The following NEMP1 variants were observed in gnomAD, a reference collection of about 807,000 sequenced individuals.
NEMP1 encodes nuclear envelope integral membrane protein 1.
A neutral mutation model predicts 53.7 loss-of-function variants in NEMP1; 29 were observed. The observed-to-expected ratio is 0.54, with a 90% CI of 0.40 to 0.74. The LOEUF is 0.74. Among genes scored for constraint, NEMP1 ranks in the 30% least tolerant of loss-of-function variants. The pLI, the probability that NEMP1 is intolerant of heterozygous loss-of-function variation, is 0.00. For missense variants in NEMP1, 477 were observed against 528.6 expected (o/e 0.90, Z 0.96); for synonymous variants, 193 against 192.9 (o/e 1.00, Z 0.00).
intron 4 of NEMP1, among the ~76,000 whole-genome samples, chr12:57,068,189 T>A (rs1423271707): frequency 6.6e-6 from 1 of 152,176 alleles, no homozygotes; most frequent in Admixed American, 6.5e-5. Context: ...TAATCTTGCA[T>A]TCACTACTCC....
chr12:57,080,013 G>A (rs943330880), upstream of NEMP1, among the ~76,000 whole-genome samples: 1 of 152,168 alleles, frequency 6.6e-6, no homozygotes, highest in Admixed American at 6.6e-5. Context: ...CTTCTGGAAT[G>A]CAGTGGTGTA....
Position 57,059,507 on chromosome 12 carries a change from TAAC to T in NEMP1, c.*369_*371del, listed in dbSNP as rs1433372128. 2.3e-5 allele frequency: 4 copies of T among 175,858 alleles called. No individual in the cohort carries two copies. In the East Asian group the frequency reaches 6.0e-4, roughly 26 times the overall value. The allele number at this position is 175,858 out of a possible 1,614,324, so 10.9% of individuals were successfully genotyped here. ...TATAGTCTAAAAGCATTCCTGCACT[TAAC>T]AACAGTTCTTACTTTGGAGAGCCAG... On this transcript the variant is annotated 3_prime_UTR_variant, in exon 9 of 9. Transcript: ENST00000300128.
chr12:57,063,993 G>T, intron 6 of NEMP1, 78 bp downstream of exon 6: 1 of 840,522 alleles, frequency 1.2e-6, no homozygotes, highest in Non-Finnish European at 1.9e-6. Context: ...CCCATAAGCA[G>T]GCAAAATCTT....
chr12:57,065,776 C>G (rs1053248361), intron 4 of NEMP1, among the ~76,000 whole-genome samples: 7 of 151,898 alleles, frequency 4.6e-5, no homozygotes, highest in Non-Finnish European at 1.0e-4. Context: ...GCTGGGACTA[C>G]AGGCCTGAGC....
chr12:57,075,903 G>A (rs1240906459), intron 1 of NEMP1, among the ~76,000 whole-genome samples: 1 of 151,726 alleles, frequency 6.6e-6, no homozygotes. Context: ...AGGAGTTTGA[G>A]ACCAGCCTGG....
chr12:57,070,763 T>C lies in NEMP1; in HGVS notation c.383A>G (p.Tyr128Cys), dbSNP rs920441338. Residue 128 changes from tyrosine (Y) to cysteine (C), a missense_variant, in exon 3 of 9, where the codon TAT becomes TGT. Transcript: ENST00000300128. ...SFLKEKLNDT[Y>C]VNVGLYSTKT... ...TGTGCTGTATAGACCCACGTTAACA[T>C]AGGTGTCATTCAATTTCTCTTTTAA... 1 of 1,605,976 alleles carries C rather than the reference T, an allele frequency of 6.2e-7. No individual in the cohort carries two copies. The highest frequency in any genetic ancestry group is 8.5e-7 in the Non-Finnish European group (1 of 1,175,588).
chr12:57,061,036 C>G lies in NEMP1; in HGVS notation c.981-91G>C, dbSNP rs892113149. The G allele has an allele frequency of 1.2e-5, 16 of 1,326,704 alleles. No homozygotes were observed. The African/African-American group carries it at 1.8e-4, about 15-fold the overall frequency. The allele number at this position is 1,326,704 out of a possible 1,614,324, so 82.2% of individuals were successfully genotyped here. On this transcript the variant is annotated intron_variant, in intron 7 of 8. Coordinates refer to ENST00000300128, the MANE Select transcript of NEMP1 (RefSeq NM_001130963.2). The stretch of plus-strand genomic sequence containing the variant: ...TCCCTTCAGTGGGCCAAGAATACAG[C>G]AGACAGCCTGAACATTAAGAGTCAT...
In NEMP1 at chr12:57,086,977, A is replaced by C. The variant is rs1164227598; in HGVS notation, n.113+974T>G. 2.6e-5 allele frequency among the ~76,000 whole-genome samples: 4 copies of C among 152,350 alleles called. No homozygotes were observed. In the East Asian group the frequency reaches 7.7e-4, roughly 29 times the overall value. The stretch of plus-strand genomic sequence containing the variant: ...CACGACAATCTTGAGAAACAAGGGC[A>C]CAAAGACACAAACACCCGGTAGTTT... On this transcript the variant is annotated intron_variant and non_coding_transcript_variant, in intron 1 of 2. Coordinates refer to the NEMP1 transcript ENST00000553654.
At chr12:57,081,664 T>C (rs1436964204), upstream of NEMP1, among the ~76,000 whole-genome samples, 2 of 150,988 alleles carry the variant, frequency 1.3e-5, no homozygotes, top group African/African-American at 4.9e-5. Flanking sequence ...TCCCAGCACT[T>C]TGGGAGGCTG....
intron 4 of NEMP1, among the ~76,000 whole-genome samples, chr12:57,067,522 G>A (rs774160688): frequency 6.6e-6 from 1 of 152,082 alleles, no homozygotes; most frequent in East Asian, 1.9e-4. Context: ...TTGGGAAAAC[G>A]GTGTGATAGA....
At chr12:57,077,469 G>A (rs1362661397) in intron 1 of NEMP1, among the ~76,000 whole-genome samples, 1 of 152,090 alleles carries the variant, frequency 6.6e-6, no homozygotes, top group Non-Finnish European at 1.5e-5. Flanking sequence ...CTGCACTCCA[G>A]CCTGGGCAAC....
chr12:57,062,016 T>C (rs992021903), intron 7 of NEMP1, among the ~76,000 whole-genome samples: 1 of 151,716 alleles, frequency 6.6e-6, no homozygotes. Context: ...AAGATTGTGG[T>C]CCAGTAACTT....
intron 6 of NEMP1, among the ~76,000 whole-genome samples, 183 bp from the exon 7 acceptor site, chr12:57,063,527 C>T (rs1333945154): frequency 6.6e-6 from 1 of 151,952 alleles, no homozygotes; most frequent in Non-Finnish European, 1.5e-5. Flanking sequence ...TTCTGCTGTC[C>T]CAAATTTATT....
chr12:57,057,821 GAA>G lies in NEMP1; in HGVS notation c.*2056_*2057del, dbSNP rs1423665485. 1 of 152,152 alleles carries G rather than the reference GAA, an allele frequency of 6.6e-6. No individual in the cohort carries two copies. Among genetic ancestry groups the G allele is most frequent in the South Asian group, 2.1e-4 (1 of 4,830 alleles). 9.4% of individuals were successfully genotyped at this position (152,152 alleles called of 1,614,324 possible). A position where few individuals can be genotyped will look rare whatever the true frequency, so the allele number is the denominator to read the frequency against. ...CTCATTGAAATAAAGACATGATCAG[GAA>G]AAGTCACCCTTATAGGCAAGCTATC... On this transcript the variant is annotated 3_prime_UTR_variant, in exon 9 of 9. Transcript: ENST00000300128.
chr12:57,064,584 G>C, intron 5 of NEMP1, 62 bp downstream of exon 5: 1 of 1,299,784 alleles, frequency 7.7e-7, no homozygotes, highest in Non-Finnish European at 1.1e-6. Flanking sequence ...AGATTACCCA[G>C]GAAAACAGTC....
At chr12:57,081,672 C>T (rs1170317553), upstream of NEMP1, among the ~76,000 whole-genome samples, 1 of 150,792 alleles carries the variant, frequency 6.6e-6, no homozygotes, top group African/African-American at 2.4e-5. Flanking sequence ...CTTTGGGAGG[C>T]TGAGGCGGGC....
chr12:57,065,745 C>T (rs1050266694), intron 4 of NEMP1, among the ~76,000 whole-genome samples: 2 of 151,860 alleles, frequency 1.3e-5, no homozygotes, highest in Non-Finnish European at 2.9e-5. Context: ...AAGTGATCTG[C>T]CCGCCTCAGC....
At chr12:57,078,589 C>T (rs780741251) in intron 1 of NEMP1, 30 bp downstream of exon 1, 5 of 1,593,136 alleles carry the variant, frequency 3.1e-6, no homozygotes, top group Non-Finnish European at 4.3e-6. Flanking sequence ...TCGGCACCTG[C>T]CCCCTTGGCA....
At chr12:57,078,502 C>G in intron 1 of NEMP1, 117 bp downstream of exon 1, 1 of 1,378,998 alleles carries the variant, frequency 7.3e-7, no homozygotes, top group Non-Finnish European at 9.7e-7. Context: ...CGCCGGCGGC[C>G]CTCGGTAGAG....
Sources: gnomAD v4.1 joint callset for allele counts (sites outside exome capture counted in the v4.1 genomes callset) on GRCh38, gnomAD v4.1.1 for gene constraint, MANE v1.5 for transcripts, NCBI Gene and HGNC (gene_info 2026-07-23, HGNC 2026-07-21) for gene names.